Variants in MAN1C1 observed in about 807,000 individuals in gnomAD.
The protein encoded by MAN1C1 is mannosidase alpha class 1C member 1.
In MAN1C1, 49 loss-of-function variants were observed where a neutral mutation model predicts 71.5. The observed-to-expected ratio is 0.69, with a 90% CI of 0.54 to 0.87. MAN1C1 has a LOEUF of 0.87. Ranked by LOEUF, MAN1C1 falls within the 40% of genes least tolerant of loss-of-function variation. The probability of loss-of-function intolerance (pLI) is 0.00; values close to 1 mark genes in which losing one functional copy is unlikely to be tolerated. For synonymous variants in MAN1C1, 352 were observed against 343.7 expected (o/e 1.02, Z -0.27); for missense variants, 743 against 835.0 (o/e 0.89, Z 1.36).
chr1:25,702,168 G>A (rs1457343384), intron 2 of MAN1C1, among the ~76,000 whole-genome samples: 2 of 152,158 alleles, frequency 1.3e-5, no homozygotes, highest in Non-Finnish European at 2.9e-5. Context: ...CATGACGATC[G>A]CCGGCCTAAG....
Position 25,778,298 on chromosome 1 carries a change from C to T in MAN1C1, c.1451C>T (p.Thr484Met), listed in dbSNP as rs972613114. The T allele has an allele frequency of 8.1e-6, 13 of 1,613,156 alleles. 1 individual carries two copies. In the Admixed American group the frequency reaches 1.2e-4, roughly 15 times the overall value. The change falls in exon 9 of 12, where the codon ACG (threonine) becomes ATG (methionine). Residue 484 changes from threonine to methionine, a missense_variant. By Grantham distance (81) the Thr-to-Met change is moderately conservative (BLOSUM62 -1). Coordinates refer to ENST00000374332, the MANE Select transcript of MAN1C1 (RefSeq NM_020379.4). The surrounding 1 kb of genome is among the most constrained non-coding windows in gnomAD (Gnocchi z 5.5). ...YRELAAQITK[T>M]CHESYARSDT... ...GAGCTCGCAGCCCAGATCACCAAGA[C>T]GTGTCACGAGTCATACGCCCGCTCA... is the stretch of plus-strand genomic sequence containing the variant.
intron 6 of MAN1C1, among the ~76,000 whole-genome samples, chr1:25,763,443 C>T (rs1253853589): frequency 1.5e-5 from 2 of 130,686 alleles, no homozygotes; most frequent in Non-Finnish European, 1.6e-5. Flanking sequence ...GAGCCAAGAT[C>T]GTGCCACTGC....
chr1:25,720,109 C>G lies in MAN1C1; in HGVS notation c.638-26559C>G, dbSNP rs2046743355. 7.9e-5 allele frequency among the ~76,000 whole-genome samples: 12 copies of G among 152,216 alleles called. No homozygotes were observed. The South Asian group carries it at 2.5e-3, about 32-fold the overall frequency. ...TCGTAGTGGTTTTGATTTGCATTTCCCTAATGTCTAATGATGTTAAACATC... is the reference window on the plus strand; with the variant it reads ...TCGTAGTGGTTTTGATTTGCATTTCGCTAATGTCTAATGATGTTAAACATC... On this transcript the variant is annotated intron_variant, in intron 2 of 11. Coordinates refer to ENST00000374332, the MANE Select transcript of MAN1C1 (RefSeq NM_020379.4).
chr1:25,718,701 C>G (rs1400778497), intron 2 of MAN1C1, among the ~76,000 whole-genome samples: 5 of 152,172 alleles, frequency 3.3e-5, no homozygotes, highest in African/African-American at 1.2e-4. Flanking sequence ...TCTTTTGTAT[C>G]TGACTTCTTT....
chr1:25,726,662 C>T (rs2046836274), intron 2 of MAN1C1, among the ~76,000 whole-genome samples: 1 of 152,080 alleles, frequency 6.6e-6, no homozygotes, highest in Non-Finnish European at 1.5e-5. Context: ...TGCTGTGCAG[C>T]TTTGGACAAG....
intron 1 of MAN1C1, among the ~76,000 whole-genome samples, chr1:25,679,364 T>TG (rs1329637202): frequency 1.3e-5 from 2 of 152,084 alleles, no homozygotes; most frequent in African/African-American, 2.4e-5. Context: ...CTGACCAGCG[T>TG]GGGGAACAGG....
At chr1:25,763,275 G>C (rs1464425109) in intron 6 of MAN1C1, among the ~76,000 whole-genome samples, 1 of 151,428 alleles carries the variant, frequency 6.6e-6, no homozygotes, top group African/African-American at 2.4e-5. Context: ...CAAAAAAAAA[G>C]GTCAGGAGTT....
At position 25,767,272 on chromosome 1, in the gene MAN1C1, T is replaced by C. The variant is rs549811441; in HGVS notation, c.1141+3305T>C. On this transcript the variant is annotated intron_variant, in intron 7 of 11. Coordinates refer to ENST00000374332, the MANE Select transcript of MAN1C1 (RefSeq NM_020379.4). ...TCCACACTCCCCTCACACACACACA[T>C]TACACACTACATACACTCCTACTCT... 1.4e-4 allele frequency among the ~76,000 whole-genome samples: 12 copies of C among 85,436 alleles called. No individual in the cohort carries two copies. In the East Asian group the frequency reaches 5.2e-3, roughly 37 times the overall value. The allele number at this position is 85,436 out of a possible 152,430, so 56.0% of individuals were successfully genotyped here. A position where few individuals can be genotyped will look rare whatever the true frequency, so the allele number is the denominator to read the frequency against.
intron 2 of MAN1C1, among the ~76,000 whole-genome samples, chr1:25,694,072 T>C (rs992856783): frequency 6.6e-6 from 1 of 152,206 alleles, no homozygotes; most frequent in Non-Finnish European, 1.5e-5. Flanking sequence ...GTACATTTTG[T>C]AGAATAAATA....
chr1:25,738,016 A>C (rs1239828957), intron 2 of MAN1C1, among the ~76,000 whole-genome samples: 1 of 152,128 alleles, frequency 6.6e-6, no homozygotes, highest in African/African-American at 2.4e-5. Flanking sequence ...AACTTGGAGA[A>C]CTGAGGCAGG....
chr1:25,689,983 G>A (rs552068626), intron 2 of MAN1C1, among the ~76,000 whole-genome samples: 6 of 152,298 alleles, frequency 3.9e-5, no homozygotes, highest in East Asian at 3.9e-4. Flanking sequence ...GAGCTGCAGC[G>A]AGGGCAGTCG....
intron 1 of MAN1C1, among the ~76,000 whole-genome samples, chr1:25,674,046 TAGAAC>T (rs2046030815): frequency 1.3e-5 from 2 of 152,214 alleles, no homozygotes; most frequent in African/African-American, 4.8e-5. Context: ...CAATCTGTGA[TAGAAC>T]AGAGCGGTTG....
intron 7 of MAN1C1, among the ~76,000 whole-genome samples, chr1:25,765,814 A>G (rs1169521352): frequency 6.6e-6 from 1 of 152,142 alleles, no homozygotes; most frequent in Non-Finnish European, 1.5e-5. Flanking sequence ...CAACCCAGGA[A>G]TTTCCCCCAG....
intron 1 of MAN1C1, among the ~76,000 whole-genome samples, chr1:25,651,598 G>T (rs1459152777): frequency 2.0e-5 from 3 of 152,224 alleles, no homozygotes; most frequent in Non-Finnish European, 2.9e-5. Flanking sequence ...AGAGGAAAAT[G>T]CTGTCTGCAG....
At chr1:25,660,396 CTTTTTTTTTTTTTTTTT>C (rs1178878513) in intron 1 of MAN1C1, among the ~76,000 whole-genome samples, 1 of 97,602 alleles carries the variant, frequency 1.0e-5, no homozygotes, top group South Asian at 3.2e-4. Flanking sequence ...AGTGAAATTC[CTTTTTTTTTTTTTTTTT>C]TTTTTTTTTT....
intron 1 of MAN1C1, among the ~76,000 whole-genome samples, chr1:25,619,517 C>G (rs867649105): frequency 4.6e-5 from 7 of 152,320 alleles, no homozygotes; most frequent in African/African-American, 1.4e-4. Flanking sequence ...TCCCTTCCAG[C>G]GCCCACCTCT....
chr1:25,723,008 CT>C (rs2046786538), intron 2 of MAN1C1, among the ~76,000 whole-genome samples: 1 of 152,230 alleles, frequency 6.6e-6, no homozygotes, highest in Admixed American at 6.5e-5. Flanking sequence ...AGGGCGTACT[CT>C]TTGTCCTCAA....
chr1:25,742,726 G>A lies in MAN1C1; in HGVS notation c.638-3942G>A, dbSNP rs79360168. On this transcript the variant is annotated intron_variant, in intron 2 of 11. Coordinates refer to ENST00000374332, the MANE Select transcript of MAN1C1 (RefSeq NM_020379.4). Reference sequence around the variant, plus strand: ...GAAACGAGGCACAAAGAGGTAGAATGGCTTGCCCTATTGCACAGCTAGGGT... The same window carrying A: ...GAAACGAGGCACAAAGAGGTAGAATAGCTTGCCCTATTGCACAGCTAGGGT... Among the ~76,000 whole-genome samples, 5 of 152,334 alleles carry A rather than the reference G, an allele frequency of 3.3e-5. No homozygotes were observed. The East Asian group carries it at 9.6e-4, about 29-fold the overall frequency.
In MAN1C1 at chr1:25,778,218, C is replaced by G; in HGVS notation, c.1371C>G (p.Gly457=). The change falls in exon 9 of 12, where the codon GGC becomes GGG. Residue 457 remains glycine, a synonymous_variant. Transcript: ENST00000374332. The surrounding 1 kb of genome is among the most constrained non-coding windows in gnomAD (Gnocchi z 5.5). The part of the protein sequence containing the change: ...KMGHLACFSG[G]MIALGAEDAK... ...GGCACCTGGCCTGTTTCTCCGGGGG[C>G]ATGATCGCCCTTGGCGCCGAGGATG... 6.2e-7 allele frequency: 1 copy of G among 1,614,036 alleles called. No individual in the cohort carries two copies. Among genetic ancestry groups the G allele is most frequent in the South Asian group, 1.1e-5 (1 of 91,070 alleles).
Sources: allele counts gnomAD v4.1 joint callset (sites outside exome capture counted in the v4.1 genomes callset), GRCh38; gene constraint gnomAD v4.1.1; non-coding constraint Gnocchi (gnomAD v3.1); transcripts MANE v1.5; gene names NCBI Gene and HGNC (gene_info 2026-07-23, HGNC 2026-07-21).